GCAT: variants seen among roughly 807,000 people sequenced by gnomAD.
The protein encoded by GCAT is 2-amino-3-ketobutyrate coenzyme A ligase, mitochondrial.
In GCAT, 26 loss-of-function variants were observed where a neutral mutation model predicts 39.7. The observed-to-expected ratio is 0.65, with a 90% confidence interval of 0.48 to 0.91. The LOEUF (loss-of-function observed/expected upper bound fraction) is 0.91, where lower values mean the gene tolerates loss of function less well. GCAT is among the 40% of genes least tolerant of loss of function. The pLI is 0.00. For synonymous variants in GCAT, 218 were observed against 237.2 expected (o/e 0.92, Z 0.74); for missense variants, 550 against 576.2 (o/e 0.95, Z 0.47).
At position 37,815,854 on chromosome 22, in the gene GCAT, A is replaced by T. The variant is rs1374379927; in HGVS notation, c.986+20A>T. Reference sequence around the variant, plus strand: ...CCAGAGGTGCGACTCCCAGCAGGGCAGGCTCGGGGGCGGAGAGACGTGGTG... The same window carrying T: ...CCAGAGGTGCGACTCCCAGCAGGGCTGGCTCGGGGGCGGAGAGACGTGGTG... On this transcript the variant is annotated intron_variant, in intron 7 of 8. Coordinates refer to ENST00000248924, the MANE Select transcript of GCAT (RefSeq NM_014291.4). The T allele has an allele frequency of 6.2e-7, 1 of 1,612,762 alleles. No homozygotes were observed. Among genetic ancestry groups the T allele is most frequent in the Admixed American group, 1.7e-5 (1 of 59,980 alleles).
chr22:37,815,072 G>T, intron 4 of GCAT, 54 bp from the exon 5 acceptor site: 1 of 1,585,642 alleles, frequency 6.3e-7, no homozygotes, highest in Non-Finnish European at 8.6e-7. Context: ...ACAAGAGACG[G>T]GTGGTTTGGC....
rs545498914 is a variant in GCAT, at chr22:37,809,718, G to C, written c.197-309G>C. Among the ~76,000 whole-genome samples, 21 of 152,208 alleles carry C rather than the reference G, an allele frequency of 1.4e-4. No homozygotes were observed. The South Asian group carries it at 4.4e-3, about 32-fold the overall frequency. ...CACCTGTAGTCCCAGCTACTCAGGA[G>C]GTTAAGTGGGAGGATTGCTTGAGCC... On this transcript the variant is annotated intron_variant, in intron 1 of 8. Coordinates refer to ENST00000248924, the MANE Select transcript of GCAT (RefSeq NM_014291.4).
intron 1 of GCAT, 73 bp from the exon 2 acceptor site, chr22:37,809,954 G>A (rs1921387188): frequency 6.3e-7 from 1 of 1,582,760 alleles, no homozygotes; most frequent in Non-Finnish European, 8.6e-7. Context: ...CCCAGGGCCT[G>A]GCACTGTCAT....
chr22:37,816,664 C>CG lies in GCAT; in HGVS notation c.1206_1207insG (p.Arg403AlafsTer22). The CG allele has an allele frequency of 6.2e-7, 1 of 1,614,114 alleles. No homozygotes were observed. The highest frequency in any genetic ancestry group is 1.6e-4 in the Middle Eastern group (1 of 6,062). Reference sequence around the variant, plus strand: ...CAGTGCATAGCGAGGAAGACATTGACCGCTGCGTGGAGGCCTTCGTGGAAG... The same window carrying CG: ...CAGTGCATAGCGAGGAAGACATTGACGCGCTGCGTGGAGGCCTTCGTGGAAG... On this transcript the variant is annotated frameshift_variant, in exon 9 of 9. Coordinates refer to ENST00000248924, the MANE Select transcript of GCAT (RefSeq NM_014291.4). LOFTEE classifies it high-confidence loss of function.
Position 37,816,757 on chromosome 22 carries a change from T to C in GCAT, c.*39T>C. On this transcript the variant is annotated 3_prime_UTR_variant, in exon 9 of 9. Transcript: ENST00000248924. The stretch of plus-strand genomic sequence containing the variant: ...ACGAGAAGAGCCAAGGTCCGCCTAC[T>C]GCCACAGGGTCAAAGGAGGTTTTCG... 1 of 1,606,996 alleles carries C rather than the reference T, an allele frequency of 6.2e-7. No individual in the cohort carries two copies.
At chr22:37,813,157 C>G (rs951630438) in intron 3 of GCAT, 169 bp downstream of exon 3, 1 of 641,810 alleles carries the variant, frequency 1.6e-6, no homozygotes, top group African/African-American at 1.8e-5. Context: ...CAGGAGGAAT[C>G]CTGGGGCTTG....
rs778885054 is a variant in GCAT at position 37,815,696 on chromosome 22, C to A, written c.848C>A (p.Ser283Tyr). ...GYTTGPGPLV[S>Y]LLRQRARPYL... ...ACGACAGGGCCTGGGCCCCTGGTGT[C>A]CCTGCTGCGGCAGCGCGCCCGGCCA... The change falls in exon 7 of 9, where the codon TCC becomes TAC. Residue 283 changes from serine to tyrosine, a missense_variant. Ser to Tyr is a moderately radical substitution (Grantham distance 144, BLOSUM62 -2). Around this residue, in one of 3 missense-constraint regions of GCAT, gnomAD observed 378 missense variants for 390.4 expected, o/e 0.97. Transcript: ENST00000248924. 6.2e-7 allele frequency: 1 copy of A among 1,613,276 alleles called. No homozygotes were observed. The highest frequency in any genetic ancestry group is 2.2e-5 in the East Asian group (1 of 44,872).
At position 37,812,906 on chromosome 22, in the gene GCAT, A is replaced by G; in HGVS notation, c.347A>G (p.Glu116Gly). 1 of 1,612,806 alleles carries G rather than the reference A, an allele frequency of 6.2e-7. No homozygotes were observed. Among genetic ancestry groups the G allele is most frequent in the Non-Finnish European group, 8.5e-7 (1 of 1,179,036 alleles). Reference sequence around the variant, plus strand: ...CTTCAGAGCATCCACAAGAATCTAGAAGCAAAAATAGCCCGCTTCCACCAG... The same window carrying G: ...CTTCAGAGCATCCACAAGAATCTAGGAGCAAAAATAGCCCGCTTCCACCAG... Reference protein sequence around the residue: ...CGTQSIHKNLEAKIARFHQRE... With the variant: ...CGTQSIHKNLGAKIARFHQRE... The change falls in exon 3 of 9, where the codon GAA (glutamate) becomes GGA (glycine). Residue 116 changes from glutamate to glycine, a missense_variant. Transcript: ENST00000248924.
chr22:37,810,947 C>T (rs546907572), intron 2 of GCAT, among the ~76,000 whole-genome samples: 5 of 152,224 alleles, frequency 3.3e-5, no homozygotes, highest in East Asian at 1.9e-4. Context: ...TTCATTTTCC[C>T]ACCTGCAAAA....
At chr22:37,812,450 C>T (rs747780587) in intron 2 of GCAT, among the ~76,000 whole-genome samples, 1 of 152,146 alleles carries the variant, frequency 6.6e-6, no homozygotes, top group Admixed American at 6.6e-5. Flanking sequence ...ACTCCTGACT[C>T]GCATCCAGTC....
At position 37,813,365 on chromosome 22, in the gene GCAT, C is replaced by T. The variant is rs1346255334; in HGVS notation, c.430-98C>T. 5.9e-6 allele frequency: 8 copies of T among 1,348,582 alleles called. No individual in the cohort carries two copies. In the Admixed American group the frequency reaches 1.4e-4, roughly 23 times the overall value. The allele number at this position is 1,348,582 out of a possible 1,614,324, so 83.5% of individuals were successfully genotyped here. On this transcript the variant is annotated intron_variant, in intron 3 of 8. Transcript: ENST00000248924. ...TTGCCTCTCTACCCAGAGGAGCGCC[C>T]TGGCTGGCAGTACAGTTTTTTGATT...
intron 4 of GCAT, 63 bp from the exon 5 acceptor site, chr22:37,815,063 C>T (rs1029290845): frequency 1.3e-6 from 2 of 1,551,810 alleles, no homozygotes; most frequent in Non-Finnish European, 1.8e-6. Context: ...CCAAGCAGCA[C>T]AAGAGACGGG....
At position 37,815,509 on chromosome 22, in the gene GCAT, A is replaced by T. The variant is rs761450667; in HGVS notation, c.814+9A>T. ...CCTGGGTGGAGCATCAGGTACCTGC[A>T]AGGTTGTGTCCCTGGGGTCCCCTTG... On this transcript the variant is annotated intron_variant, in intron 6 of 8. Transcript: ENST00000248924. The T allele has an allele frequency of 6.3e-7, 1 of 1,599,648 alleles. No individual in the cohort carries two copies. The highest frequency in any genetic ancestry group is 8.5e-7 in the Non-Finnish European group (1 of 1,171,646).
chr22:37,813,779 T>A (rs989537309), intron 4 of GCAT, among the ~76,000 whole-genome samples, 170 bp downstream of exon 4: 1 of 151,838 alleles, frequency 6.6e-6, no homozygotes, highest in Non-Finnish European at 1.5e-5. Context: ...TTTTTTTTTT[T>A]CCCTGAGACA....
chr22:37,809,013 T>C (rs1005510804), intron 1 of GCAT, among the ~76,000 whole-genome samples: 3 of 152,200 alleles, frequency 2.0e-5, no homozygotes, highest in Non-Finnish European at 4.4e-5. Flanking sequence ...TAACCAGTGG[T>C]TACACCTGAC....
chr22:37,815,876 G>C, intron 7 of GCAT, 42 bp downstream of exon 7: 1 of 1,606,178 alleles, frequency 6.2e-7, no homozygotes, highest in Non-Finnish European at 8.5e-7. Flanking sequence ...GGAGAGACGT[G>C]GTGAGAGCCA....
chr22:37,810,576 G>A (rs1318986470), intron 2 of GCAT, among the ~76,000 whole-genome samples: 1 of 149,042 alleles, frequency 6.7e-6, no homozygotes, highest in African/African-American at 2.5e-5. Context: ...GAGTGCGGTG[G>A]CATGATCTTG....
intron 1 of GCAT, 115 bp downstream of exon 1, chr22:37,808,278 ATC>A: frequency 1.2e-6 from 1 of 800,268 alleles, no homozygotes; most frequent in Non-Finnish European, 1.9e-6. Context: ...TCCCCTTCGC[ATC>A]TCTCAGGGCG....
chr22:37,816,454 A>AC lies in GCAT; in HGVS notation c.1109-109dup. The AC allele has an allele frequency of 5.9e-6, 9 of 1,517,296 alleles. No homozygotes were observed. The Admixed American group carries it at 1.7e-4, about 28-fold the overall frequency. 94.0% of individuals were successfully genotyped at this position (1,517,296 alleles called of 1,614,324 possible). ...GCCAGCTGTCTGTCTAAGCTTGAAC[A>AC]CCCCAAGCCATGAGGCAGTCCCGAA... is the stretch of plus-strand genomic sequence containing the variant. On this transcript the variant is annotated intron_variant, in intron 8 of 8. Coordinates refer to ENST00000248924, the MANE Select transcript of GCAT (RefSeq NM_014291.4).
Sources: allele counts gnomAD v4.1 joint callset (sites outside exome capture counted in the v4.1 genomes callset), GRCh38; gene constraint gnomAD v4.1.1; regional missense constraint gnomAD v4.1.1; transcripts MANE v1.5; gene names NCBI Gene and HGNC (gene_info 2026-07-23, HGNC 2026-07-21).